Variants in SCAPER observed in about 807,000 individuals in gnomAD.
SCAPER encodes the protein S-phase cyclin A associated protein in the ER.
SCAPER carries 98 observed loss-of-function variants against 182.2 expected under a neutral mutation model. The observed-to-expected ratio is 0.54, with a 90% CI of 0.46 to 0.64. The LOEUF is 0.64. SCAPER is among the 30% of genes least tolerant of loss of function. The probability of loss-of-function intolerance (pLI) is 0.00; values close to 1 mark genes in which losing one functional copy is unlikely to be tolerated. For synonymous variants in SCAPER, 605 were observed against 564.6 expected, an observed-to-expected ratio of 1.07 and a Z score of -1.01; for missense variants, 1,432 against 1,690.0, an observed-to-expected ratio of 0.85 and a Z score of 2.68.
At chr15:76,507,391 C>G (rs543546951) in intron 23 of SCAPER, among the ~76,000 whole-genome samples, 3 of 152,120 alleles carry the variant, frequency 2.0e-5, no homozygotes, top group Non-Finnish European at 2.9e-5. Context: ...GTTGTTTAAC[C>G]AACCCAGTCT....
At chr15:76,365,612 T>C (rs1238332046) in intron 29 of SCAPER, among the ~76,000 whole-genome samples, 1 of 152,246 alleles carries the variant, frequency 6.6e-6, no homozygotes, top group Non-Finnish European at 1.5e-5. Context: ...TTGTAAATTA[T>C]ACAGACTCAC....
At chr15:76,473,516 A>C (rs1368161310) in intron 24 of SCAPER, among the ~76,000 whole-genome samples, 2 of 152,204 alleles carry the variant, frequency 1.3e-5, no homozygotes, top group African/African-American at 2.4e-5. Flanking sequence ...TGTCTGACTA[A>C]ATCTCCTGCT....
At chr15:76,614,997 C>A (rs1211901469) in intron 22 of SCAPER, among the ~76,000 whole-genome samples, 1 of 152,132 alleles carries the variant, frequency 6.6e-6, no homozygotes, top group African/African-American at 2.4e-5. Context: ...AACTGTATGG[C>A]ACTAAATTGG....
At chr15:76,730,024 A>C (rs1407484849) in intron 16 of SCAPER, among the ~76,000 whole-genome samples, 4 of 152,150 alleles carry the variant, frequency 2.6e-5, no homozygotes, top group Non-Finnish European at 5.9e-5. Flanking sequence ...ACTTCACCTT[A>C]AAGAGCCTCA....
At position 76,537,460 on chromosome 15, in the gene SCAPER, A is replaced by C. The variant is rs551142756; in HGVS notation, c.2839-32486T>G. Among the ~76,000 whole-genome samples, 14 of 152,314 alleles carry C rather than the reference A, an allele frequency of 9.2e-5. No individual in the cohort carries two copies. The South Asian group carries it at 1.5e-3, about 16-fold the overall frequency. ...TTTGACAAACCTGAGAAAAAGAAGCAATGGGGAAAGGATTCCCTATTTAAT... is the reference window on the plus strand; with the variant it reads ...TTTGACAAACCTGAGAAAAAGAAGCCATGGGGAAAGGATTCCCTATTTAAT... On this transcript the variant is annotated intron_variant, in intron 23 of 31. Coordinates refer to ENST00000563290, the MANE Select transcript of SCAPER (RefSeq NM_020843.4).
chr15:76,815,378 T>C (rs2066981401), intron 5 of SCAPER, among the ~76,000 whole-genome samples: 2 of 152,130 alleles, frequency 1.3e-5, no homozygotes, highest in South Asian at 4.1e-4. Flanking sequence ...CATCAATGGA[T>C]AAATGGGTAA....
intron 21 of SCAPER, among the ~76,000 whole-genome samples, chr15:76,629,804 A>G (rs370627852): frequency 7.9e-5 from 12 of 152,050 alleles, no homozygotes; most frequent in East Asian, 5.8e-4. Flanking sequence ...CCTCCCTTTC[A>G]ATTTTTTGGA....
chr15:76,806,914 C>T (rs1435559198), intron 5 of SCAPER, among the ~76,000 whole-genome samples: 1 of 152,038 alleles, frequency 6.6e-6, no homozygotes, highest in East Asian at 1.9e-4. Context: ...CATCTTGTAT[C>T]CTATAATCTT....
chr15:76,686,110 TAAG>T (rs2058027348), intron 20 of SCAPER, among the ~76,000 whole-genome samples: 1 of 151,946 alleles, frequency 6.6e-6, no homozygotes. Context: ...CTAATAGATA[TAAG>T]AATATGAAAA....
intron 2 of SCAPER, among the ~76,000 whole-genome samples, chr15:76,873,331 A>AAGGCAGGCAGGC (rs56176862): frequency 1.2e-5 from 1 of 83,738 alleles, no homozygotes; most frequent in African/African-American, 4.5e-5. Flanking sequence ...GGAAGGAAGG[A>AAGGCAGGCAGGC]AGGCAGGCAG....
At chr15:76,789,268 TAAAAACCACAC>T (rs2064839223) in intron 8 of SCAPER, among the ~76,000 whole-genome samples, 1 of 152,056 alleles carries the variant, frequency 6.6e-6, no homozygotes, top group South Asian at 2.1e-4. Context: ...ATGAATCATA[TAAAAACCACAC>T]ATACCAAGAG....
At chr15:76,608,839 T>C (rs2050712325) in intron 22 of SCAPER, among the ~76,000 whole-genome samples, 2 of 152,144 alleles carry the variant, frequency 1.3e-5, no homozygotes, top group Non-Finnish European at 2.9e-5. Context: ...AGGGATATAA[T>C]CTCCTGGTGT....
At position 76,626,576 on chromosome 15, in the gene SCAPER, G is replaced by A. The variant is rs146279543; in HGVS notation, c.2646-4747C>T. ...TACTAAAAATACAAAAATTAGCTGG[G>A]TGTGGTGGCGCACGCCTGTAATCCC... On this transcript the variant is annotated intron_variant, in intron 21 of 31. Transcript: ENST00000563290. 6.8e-3 allele frequency among the ~76,000 whole-genome samples: 1,038 copies of A among 152,294 alleles called. 10 individuals carry two copies. Among genetic ancestry groups the A allele is most frequent in the East Asian group, 0.046 (239 of 5,174 alleles).
chr15:76,880,441 G>A (rs1191086548), intron 2 of SCAPER, among the ~76,000 whole-genome samples: 2 of 152,130 alleles, frequency 1.3e-5, no homozygotes, highest in African/African-American at 2.4e-5. Flanking sequence ...AGGCTTATGG[G>A]AAATGTACTA....
At chr15:76,362,560 G>A (rs1298143754) in intron 29 of SCAPER, among the ~76,000 whole-genome samples, 5 of 151,550 alleles carry the variant, frequency 3.3e-5, no homozygotes, top group Middle Eastern at 3.4e-3. Flanking sequence ...TTACAGGCAG[G>A]TGCCACCATG....
chr15:76,509,725 C>G (rs2041875784), intron 23 of SCAPER, among the ~76,000 whole-genome samples: 1 of 151,928 alleles, frequency 6.6e-6, no homozygotes, highest in South Asian at 2.1e-4. Flanking sequence ...AAAAACAATC[C>G]TAAAAATCAC....
chr15:76,816,089 G>A (rs190911607), intron 5 of SCAPER, among the ~76,000 whole-genome samples: 3 of 152,268 alleles, frequency 2.0e-5, no homozygotes, highest in East Asian at 3.9e-4. Context: ...GGGAGTAAAG[G>A]AGAGAATGGT....
chr15:76,734,611 G>T (rs919016693), intron 15 of SCAPER, among the ~76,000 whole-genome samples: 1 of 152,146 alleles, frequency 6.6e-6, no homozygotes, highest in African/African-American at 2.4e-5. Flanking sequence ...AGGTGTGGTG[G>T]CTACGCCTGT....
At chr15:76,831,272 C>A (rs966096379) in intron 5 of SCAPER, among the ~76,000 whole-genome samples, 1 of 152,090 alleles carries the variant, frequency 6.6e-6, no homozygotes, top group Non-Finnish European at 1.5e-5. Context: ...GATCTAAATG[C>A]TCCCATTTGC....
Sources: gnomAD v4.1 joint callset for allele counts (sites outside exome capture counted in the v4.1 genomes callset) on GRCh38, gnomAD v4.1.1 for gene constraint, MANE v1.5 for transcripts, NCBI Gene and HGNC (gene_info 2026-07-23, HGNC 2026-07-21) for gene names.